The following SPIN3 variants were observed in gnomAD, a reference collection of about 807,000 sequenced individuals.
The protein encoded by SPIN3 is spindlin family member 3, also known as spindlin-3.
For synonymous variants in SPIN3, 74 were observed against 74.3 expected (o/e 1.00, Z 0.02); for missense variants, 176 against 196.4 (o/e 0.90, Z 0.62).
chrX:56,975,735 T>G (rs747872404), downstream of SPIN3: 1 of 111,276 alleles, frequency 9.0e-6, no homozygotes, highest in Non-Finnish European at 1.9e-5. Context: ...TGGTTGGAAC[T>G]CCACAGTTGA....
chrX:56,991,440 C>T lies in SPIN3; in HGVS notation c.*2731G>A, dbSNP rs1235352795. ...TATCCATTATAACCATTTTCTCAATCTCATCAAGTTATTCCTCCTCCCAAG... is the reference window on the plus strand; with the variant it reads ...TATCCATTATAACCATTTTCTCAATTTCATCAAGTTATTCCTCCTCCCAAG... On this transcript the variant is annotated 3_prime_UTR_variant, in exon 2 of 2. Transcript: ENST00000374919. 8.9e-6 allele frequency: 1 copy of T among 112,084 alleles called. No individual in the cohort carries two copies. The allele number at this position is 112,084 out of a possible 1,213,427, so 9.2% of individuals were successfully genotyped here. A position where few individuals can be genotyped will look rare whatever the true frequency, so the allele number is the denominator to read the frequency against.
intron 2 of SPIN3, chrX:56,984,503 A>C (rs1223069181): frequency 3.1e-6 from 1 of 327,216 alleles, no homozygotes; most frequent in Non-Finnish European, 5.9e-6. Flanking sequence ...AAAAAAGTAC[A>C]GTGGAGGAGC....
chrX:56,977,421 A>C (rs1436290843), intron 5 of SPIN3: 1 of 111,987 alleles, frequency 8.9e-6, no homozygotes, highest in East Asian at 2.8e-4. Context: ...AAGAACCTAC[A>C]AACATGTTCA....
downstream of SPIN3, among the ~76,000 whole-genome samples, chrX:56,988,084 T>G (rs1184075647): frequency 1.8e-5 from 2 of 111,789 alleles, no homozygotes; most frequent in African/African-American, 6.5e-5. Flanking sequence ...ATAGAGCTAG[T>G]AAAACCTGGA....
chrX:56,979,927 C>T (rs768000792), intron 3 of SPIN3: 3 of 112,113 alleles, frequency 2.7e-5, no homozygotes, highest in Non-Finnish European at 5.6e-5. Flanking sequence ...TATCCAGTGT[C>T]TACCTATGAC....
At chrX:56,988,069 C>T (rs1161309555), downstream of SPIN3, among the ~76,000 whole-genome samples, 1 of 111,515 alleles carries the variant, frequency 9.0e-6, no homozygotes, top group Non-Finnish European at 1.9e-5. Context: ...AAGTAACTTG[C>T]TAGTATAGAG....
intron 3 of SPIN3, chrX:56,980,166 C>G (rs962539578): frequency 1.3e-4 from 14 of 111,492 alleles, no homozygotes; most frequent in African/African-American, 4.6e-4. Flanking sequence ...TATGACCCAG[C>G]AATTCTAGGC....
chrX:56,993,855 AGAGTGAGGTGAG>A lies in SPIN3; in HGVS notation c.*304_*315del. 1 of 168,735 alleles carries A rather than the reference AGAGTGAGGTGAG, an allele frequency of 5.9e-6. No individual in the cohort carries two copies. The highest frequency in any genetic ancestry group is 1.1e-5 in the Non-Finnish European group (1 of 89,851). The allele number at this position is 168,735 out of a possible 1,213,427, so 13.9% of individuals were successfully genotyped here. A position where few individuals can be genotyped will look rare whatever the true frequency, so the allele number is the denominator to read the frequency against. ...TGAGTGTAGAGTCCAAGTGCCAAAA[AGAGTGAGGTGAG>A]AGGTGTTCAGCTACCTTTAATCTAT... On this transcript the variant is annotated 3_prime_UTR_variant, in exon 2 of 2. Transcript: ENST00000374919.
chrX:56,980,857 G>C (rs1421328579), intron 3 of SPIN3, among the ~76,000 whole-genome samples: 2 of 110,606 alleles, frequency 1.8e-5, no homozygotes, highest in African/African-American at 6.6e-5. Flanking sequence ...CATATACCCA[G>C]TTAACAATCT....
At chrX:56,985,570 C>T (rs1924206514) in intron 2 of SPIN3, among the ~76,000 whole-genome samples, 1 of 112,220 alleles carries the variant, frequency 8.9e-6, no homozygotes, top group Admixed American at 9.4e-5. Flanking sequence ...GCTCCTGCTG[C>T]TTTCCCATTT....
At position 56,992,202 on chromosome X, in the gene SPIN3, G is replaced by A. The variant is rs1300617683; in HGVS notation, c.*1969C>T. On this transcript the variant is annotated 3_prime_UTR_variant, in exon 2 of 2. Transcript: ENST00000374919. ...CCTTGGCTGTCTTCCTCTTGACTGGGTGAAGTTCCTTCAGGACCTCAGGAG... is the reference window on the plus strand; with the variant it reads ...CCTTGGCTGTCTTCCTCTTGACTGGATGAAGTTCCTTCAGGACCTCAGGAG... 6.8e-6 allele frequency: 2 copies of A among 295,678 alleles called. No individual in the cohort carries two copies. Among genetic ancestry groups the A allele is most frequent in the African/African-American group, 5.5e-5 (2 of 36,307 alleles). 24.4% of individuals were successfully genotyped at this position (295,678 alleles called of 1,213,427 possible).
At chrX:56,995,053 C>T in intron 1 of SPIN3, 104 bp from the exon 2 acceptor site, 1 of 930,541 alleles carries the variant, frequency 1.1e-6, no homozygotes, top group Non-Finnish European at 1.4e-6. Flanking sequence ...CCCAGTAAAC[C>T]CACACCTGTT....
At chrX:56,979,890 C>A (rs1043573242) in intron 3 of SPIN3, 1 of 112,178 alleles carries the variant, frequency 8.9e-6, no homozygotes, top group African/African-American at 3.2e-5. Context: ...AAAATTAAGA[C>A]CTCGTTCATA....
chrX:56,985,156 G>A (rs1924197646), intron 2 of SPIN3, among the ~76,000 whole-genome samples: 1 of 112,095 alleles, frequency 8.9e-6, no homozygotes, highest in Non-Finnish European at 1.9e-5. Context: ...ATGGGATACT[G>A]CAATACTCTA....
downstream of SPIN3, among the ~76,000 whole-genome samples, chrX:56,989,982 G>T (rs183321631): frequency 1.0e-5 from 1 of 100,186 alleles, no homozygotes; most frequent in Non-Finnish European, 2.0e-5. Context: ...CACCCTGTCC[G>T]TGGAAAAATT....
chrX:56,979,790 TATA>T (rs1260133626), intron 3 of SPIN3: 1 of 112,067 alleles, frequency 8.9e-6, no homozygotes, highest in African/African-American at 3.2e-5. Flanking sequence ...CCTGTATGTT[TATA>T]TCAGATCTAA....
At chrX:56,989,086 T>C (rs1004020392), downstream of SPIN3, among the ~76,000 whole-genome samples, 2 of 111,940 alleles carry the variant, frequency 1.8e-5, no homozygotes, top group African/African-American at 6.5e-5. Flanking sequence ...TTGTTTCCTA[T>C]TTCCTCCCTT....
chrX:56,991,537 T>C lies in SPIN3; in HGVS notation c.*2634A>G, dbSNP rs935342656. ...AAACATTTTTGAGAGATGCAAGTCT[T>C]TTCCTTTTCTTGAGTCAGGAGCATG... On this transcript the variant is annotated 3_prime_UTR_variant, in exon 2 of 2. Coordinates refer to ENST00000374919, the MANE Select transcript of SPIN3 (RefSeq NM_001010862.3). 1 of 112,604 alleles carries C rather than the reference T, an allele frequency of 8.9e-6. No homozygotes were observed. Among genetic ancestry groups the C allele is most frequent in the Non-Finnish European group, 1.9e-5 (1 of 53,357 alleles). The allele number at this position is 112,604 out of a possible 1,213,427, so 9.3% of individuals were successfully genotyped here. A position where few individuals can be genotyped will look rare whatever the true frequency, so the allele number is the denominator to read the frequency against.
chrX:56,994,855 C>G lies in SPIN3; in HGVS notation c.93G>C (p.Lys31Asn), dbSNP rs745415317. ...GSVSVTMIKR[K>N]AAHKKHRSRP... Reference sequence around the variant, plus strand: ...GGCTCCTATGCTTCTTGTGTGCAGCCTTCCTCTTTATCATGGTAACAGACA... The same window carrying G: ...GGCTCCTATGCTTCTTGTGTGCAGCGTTCCTCTTTATCATGGTAACAGACA... The change falls in exon 2 of 2, where the codon AAG (lysine) becomes AAC (asparagine). Residue 31 changes from lysine (K) to asparagine (N), a missense_variant. Transcript: ENST00000374919. 1.7e-6 allele frequency: 2 copies of G among 1,211,893 alleles called. No individual in the cohort carries two copies. The highest frequency in any genetic ancestry group is 2.3e-4 in the Middle Eastern group (1 of 4,355).
Sources: allele counts gnomAD v4.1 joint callset (sites outside exome capture counted in the v4.1 genomes callset), GRCh38; gene constraint gnomAD v4.1.1; transcripts MANE v1.5; gene names NCBI Gene and HGNC (gene_info 2026-07-23, HGNC 2026-07-21).